The following TBCEL variants were observed in gnomAD, a reference collection of about 807,000 sequenced individuals.
TBCEL encodes tubulin folding cofactor E like, also known as tubulin-specific chaperone cofactor E-like protein.
Under a neutral mutation model 44.2 loss-of-function variants are expected in TBCEL, and 15 were observed. The ratio of observed to expected loss-of-function variants is 0.34; its 90% CI spans 0.23 to 0.52. The LOEUF (loss-of-function observed/expected upper bound fraction) is 0.52. TBCEL is among the 20% of genes least tolerant of loss of function. The probability of loss-of-function intolerance (pLI) is 0.95; values close to 1 mark genes in which losing one functional copy is unlikely to be tolerated. For synonymous variants in TBCEL, 171 were observed against 185.4 expected (o/e 0.92, Z 0.63); for missense variants, 319 against 506.3 (o/e 0.63, Z 3.55).
chr11:121,068,630 T>C (rs765755770), intron 8 of TBCEL, among the ~76,000 whole-genome samples: 8 of 152,044 alleles, frequency 5.3e-5, no homozygotes, highest in Non-Finnish European at 8.8e-5. Flanking sequence ...ATGCCTGTAA[T>C]CCCACCACTT....
chr11:121,084,458 C>A lies in TBCEL; in HGVS notation c.957-2320C>A, dbSNP rs767828703. On this transcript the variant is annotated intron_variant, in intron 8 of 8. Coordinates refer to ENST00000683345, the MANE Select transcript of TBCEL (RefSeq NM_001363644.2). ...GTTGTGTTTTCTTTCAAATTGAGTTCTGCCTCTGTCTTTTACTTATTATGT... is the reference window on the plus strand; with the variant it reads ...GTTGTGTTTTCTTTCAAATTGAGTTATGCCTCTGTCTTTTACTTATTATGT... 6.2e-4 allele frequency among the ~76,000 whole-genome samples: 94 copies of A among 152,008 alleles called. 1 individual carries two copies. Among genetic ancestry groups the A allele is most frequent in the Admixed American group, 5.9e-4 (9 of 15,250 alleles).
At chr11:121,059,127 C>CTG (rs1945673784) in intron 7 of TBCEL, among the ~76,000 whole-genome samples, 1 of 151,890 alleles carries the variant, frequency 6.6e-6, no homozygotes, top group Admixed American at 6.6e-5. Flanking sequence ...GAAAGGGGAA[C>CTG]TGTAGGCTTT....
At position 121,089,450 on chromosome 11, in the gene TBCEL, C is replaced by T. The variant is rs184340231; in HGVS notation, c.*2354C>T. On this transcript the variant is annotated 3_prime_UTR_variant, in exon 9 of 9. Transcript: ENST00000683345. ...TTGTAATTGATGGTTTTAATAATTG[C>T]TGAATAATTTTTGATTAAGAGAAAA... is the stretch of plus-strand genomic sequence containing the variant. 1 of 152,066 alleles carries T rather than the reference C, an allele frequency of 6.6e-6. No homozygotes were observed. Among genetic ancestry groups the T allele is most frequent in the East Asian group, 1.9e-4 (1 of 5,206 alleles). The allele number at this position is 152,066 out of a possible 1,614,324, so 9.4% of individuals were successfully genotyped here. A position where few individuals can be genotyped will look rare whatever the true frequency, so the allele number is the denominator to read the frequency against.
intron 6 of TBCEL, among the ~76,000 whole-genome samples, chr11:121,058,000 T>G (rs11218130): frequency 0.17 from 25,948 of 151,726 alleles, 2,290 homozygotes; most frequent in East Asian, 0.32. Context: ...TCACATAGCT[T>G]TCTTTAAATT....
intron 1 of TBCEL, among the ~76,000 whole-genome samples, chr11:121,029,028 T>G (rs1483707615): frequency 6.6e-6 from 1 of 152,208 alleles, no homozygotes; most frequent in Admixed American, 6.5e-5. Context: ...CTCTATACTC[T>G]ACACCAACTA....
intron 4 of TBCEL, among the ~76,000 whole-genome samples, chr11:121,051,819 G>A (rs1455407625): frequency 6.6e-6 from 1 of 151,666 alleles, no homozygotes; most frequent in Non-Finnish European, 1.5e-5. Flanking sequence ...GTGAATGCAG[G>A]GAACCTTTTC....
intron 8 of TBCEL, among the ~76,000 whole-genome samples, chr11:121,080,875 C>A (rs1456524950): frequency 6.6e-6 from 1 of 152,164 alleles, no homozygotes; most frequent in Non-Finnish European, 1.5e-5. Flanking sequence ...CTACTAAAAT[C>A]TGCTGTTATG....
At chr11:121,036,746 G>T (rs1051188024) in intron 2 of TBCEL, 134 bp downstream of exon 2, 1 of 152,124 alleles carries the variant, frequency 6.6e-6, no homozygotes, top group Non-Finnish European at 1.5e-5. Flanking sequence ...TGGACTACAA[G>T]CATGAGAGTC....
At chr11:121,070,036 G>A (rs1402012478) in intron 8 of TBCEL, among the ~76,000 whole-genome samples, 1 of 152,040 alleles carries the variant, frequency 6.6e-6, no homozygotes, top group Non-Finnish European at 1.5e-5. Context: ...TCAAAAAGTG[G>A]GCAAAAGATA....
chr11:121,045,367 C>T (rs1337107702), intron 2 of TBCEL, among the ~76,000 whole-genome samples: 1 of 152,088 alleles, frequency 6.6e-6, no homozygotes, highest in Non-Finnish European at 1.5e-5. Flanking sequence ...CCACATGAAT[C>T]CTATGTACCA....
chr11:121,069,308 T>G (rs1945881272), intron 8 of TBCEL, among the ~76,000 whole-genome samples: 1 of 152,170 alleles, frequency 6.6e-6, no homozygotes, highest in Non-Finnish European at 1.5e-5. Flanking sequence ...CGCTTTATAC[T>G]CTGAGAACAC....
chr11:121,059,955 G>A lies in TBCEL; in HGVS notation c.840-14G>A. The A allele has an allele frequency of 6.3e-7, 1 of 1,582,878 alleles. No individual in the cohort carries two copies. The highest frequency in any genetic ancestry group is 1.1e-5 in the South Asian group (1 of 88,854). On this transcript the variant is annotated splice_polypyrimidine_tract_variant and intron_variant, in intron 7 of 8. Transcript: ENST00000683345. Reference sequence around the variant, plus strand: ...TATCTTAAAAAATGTCTTTATTTTGGTTTTAACTTATAGATTGCCATCAGT... The same window carrying A: ...TATCTTAAAAAATGTCTTTATTTTGATTTTAACTTATAGATTGCCATCAGT...
intron 8 of TBCEL, among the ~76,000 whole-genome samples, chr11:121,063,717 T>G (rs1256553987): frequency 6.6e-6 from 1 of 152,176 alleles, no homozygotes; most frequent in Non-Finnish European, 1.5e-5. Flanking sequence ...CCTCTTCCAT[T>G]ATTTGCCTTT....
At chr11:121,064,633 A>C (rs1945784820) in intron 8 of TBCEL, among the ~76,000 whole-genome samples, 1 of 152,160 alleles carries the variant, frequency 6.6e-6, no homozygotes, top group Admixed American at 6.5e-5. Context: ...ACCTGATTTC[A>C]GTGTCTCCTA....
At chr11:121,068,521 C>T (rs1279442809) in intron 8 of TBCEL, among the ~76,000 whole-genome samples, 1 of 152,066 alleles carries the variant, frequency 6.6e-6, no homozygotes, top group Non-Finnish European at 1.5e-5. Context: ...TCCCTGAGTC[C>T]ACCCTTGCTC....
intron 8 of TBCEL, among the ~76,000 whole-genome samples, chr11:121,080,671 TAATA>T (rs1048772344): frequency 6.6e-6 from 1 of 152,224 alleles, no homozygotes; most frequent in African/African-American, 2.4e-5. Flanking sequence ...TTAGGTTTTA[TAATA>T]AATAGAAACA....
intron 7 of TBCEL, 86 bp from the exon 8 acceptor site, chr11:121,059,883 A>T: frequency 1.1e-6 from 1 of 906,110 alleles, no homozygotes; most frequent in Non-Finnish European, 1.7e-6. Flanking sequence ...AGAAAATAAG[A>T]CTGGGCCACA....
chr11:121,034,337 A>G (rs1226570447), intron 1 of TBCEL, among the ~76,000 whole-genome samples: 1 of 152,170 alleles, frequency 6.6e-6, no homozygotes, highest in East Asian at 1.9e-4. Context: ...TCATATATTC[A>G]GTATGAAATC....
intron 1 of TBCEL, among the ~76,000 whole-genome samples, chr11:121,025,663 A>G (rs1945032607): frequency 6.6e-6 from 1 of 152,018 alleles, no homozygotes; most frequent in Non-Finnish European, 1.5e-5. Flanking sequence ...GGTGTCAATC[A>G]GTGTCCTCAT....
Sources: allele counts gnomAD v4.1 joint callset (sites outside exome capture counted in the v4.1 genomes callset), GRCh38; gene constraint gnomAD v4.1.1; transcripts MANE v1.5; gene names NCBI Gene and HGNC (gene_info 2026-07-23, HGNC 2026-07-21).